Variants in NEDD9 observed in about 807,000 individuals in gnomAD.
NEDD9 encodes enhancer of filamentation 1.
NEDD9 carries 26 observed loss-of-function variants against 76.6 expected under a neutral mutation model. The observed-to-expected ratio is 0.34, with a 90% confidence interval of 0.25 to 0.47. NEDD9 has a LOEUF of 0.47. NEDD9 is among the 20% of genes least tolerant of loss of function. NEDD9 has a pLI of 1.00. For synonymous variants in NEDD9, 392 were observed against 414.2 expected, an observed-to-expected ratio of 0.95 and a Z score of 0.65; for missense variants, 937 against 1,058.5, an observed-to-expected ratio of 0.89 and a Z score of 1.59.
At chr6:11,330,734 A>G (rs1039454616) in intron 2 of NEDD9, among the ~76,000 whole-genome samples, 28 of 152,272 alleles carry the variant, frequency 1.8e-4, no homozygotes, top group Middle Eastern at 3.4e-3. Flanking sequence ...GCCTCCTCCC[A>G]TATATAAACC....
intron 3 of NEDD9, among the ~76,000 whole-genome samples, chr6:11,259,289 C>T (rs945712071): frequency 1.3e-5 from 2 of 152,210 alleles, no homozygotes; most frequent in Non-Finnish European, 2.9e-5. Context: ...AGCTTAAAGA[C>T]CTTTCGCTTC....
chr6:11,261,601 G>A (rs886316730), intron 3 of NEDD9, among the ~76,000 whole-genome samples: 12 of 152,146 alleles, frequency 7.9e-5, no homozygotes, highest in African/African-American at 2.9e-4. Context: ...ATAGAGTTGT[G>A]TCTTACCTGT....
chr6:11,301,921 C>T (rs1582009575), intron 3 of NEDD9, among the ~76,000 whole-genome samples: 1 of 151,412 alleles, frequency 6.6e-6, no homozygotes. Flanking sequence ...CAGGAAAGAT[C>T]TAAAATCGAC....
intron 2 of NEDD9, among the ~76,000 whole-genome samples, chr6:11,196,495 G>T (rs372038705): frequency 6.6e-6 from 1 of 152,148 alleles, no homozygotes; most frequent in African/African-American, 2.4e-5. Flanking sequence ...AAGCGCTAAT[G>T]CTTCCCGGTA....
At chr6:11,378,574 T>C (rs1763006178) in intron 1 of NEDD9, among the ~76,000 whole-genome samples, 1 of 152,182 alleles carries the variant, frequency 6.6e-6, no homozygotes, top group African/African-American at 2.4e-5. Flanking sequence ...CAGGTGGATG[T>C]GTATTTATGT....
At chr6:11,238,319 G>A (rs1759648980) in intron 3 of NEDD9, among the ~76,000 whole-genome samples, 10 of 152,186 alleles carry the variant, frequency 6.6e-5, no homozygotes, top group Admixed American at 6.5e-4. Flanking sequence ...AGGCTTTCTG[G>A]TTTCTGAGTC....
intron 3 of NEDD9, among the ~76,000 whole-genome samples, chr6:11,254,282 G>A (rs1259365397): frequency 3.3e-5 from 5 of 151,826 alleles, no homozygotes; most frequent in Admixed American, 1.3e-4. Context: ...CACCATGCCC[G>A]GCTAATTTTT....
intron 3 of NEDD9, chr6:11,271,866 T>C (rs1760314828): frequency 6.6e-6 from 1 of 152,210 alleles, no homozygotes. Context: ...AACACGCACA[T>C]AGCTGAAGTA....
rs779423726 is a variant in NEDD9 at position 11,213,457 on chromosome 6, G to A, written c.283C>T (p.Pro95Ser). 1 of 1,614,108 alleles carries A rather than the reference G, an allele frequency of 6.2e-7. No individual in the cohort carries two copies. The highest frequency in any genetic ancestry group is 2.2e-5 in the East Asian group (1 of 44,876). The change falls in exon 2 of 7, where the codon CCA becomes TCA. Residue 95 changes from proline (P) to serine (S), a missense_variant. Physicochemically the swap from Pro to Ser is moderately conservative, Grantham distance 74 (BLOSUM62 -1). Transcript: ENST00000379446. This position sits in a 1 kb window ranked among gnomAD's most constrained non-coding sequence, Gnocchi z 5.4. The stretch of plus-strand genomic sequence containing the variant: ...TCTCGGGGAGCAGCCTGTGGGTTTG[G>A]CACTTGATAGAGCTTCTGTTGGCCA... ...TFGQQKLYQV[P>S]NPQAAPRDTI...
intron 3 of NEDD9, among the ~76,000 whole-genome samples, chr6:11,302,919 G>C (rs1337195181): frequency 6.6e-6 from 1 of 152,152 alleles, no homozygotes; most frequent in Non-Finnish European, 1.5e-5. Flanking sequence ...ATACTGAATG[G>C]ACAAAAGCTG....
chr6:11,221,104 C>T (rs1035780342), intron 1 of NEDD9, among the ~76,000 whole-genome samples: 3 of 152,068 alleles, frequency 2.0e-5, no homozygotes, highest in Admixed American at 6.5e-5. Context: ...AGGTGGAGGC[C>T]GCGCACGGTG....
At chr6:11,201,571 A>G (rs575979706) in intron 2 of NEDD9, among the ~76,000 whole-genome samples, 3 of 152,306 alleles carry the variant, frequency 2.0e-5, no homozygotes, top group Non-Finnish European at 4.4e-5. Flanking sequence ...TGGGAGACAG[A>G]GAGATGGGAT....
In NEDD9 at chr6:11,190,590, G is replaced by C; in HGVS notation, c.1279C>G (p.Leu427Val). The change falls in exon 5 of 7, where the codon CTA (leucine) becomes GTA (valine). Residue 427 changes from leucine (L) to valine (V), a missense_variant. Physicochemically the swap from Leu to Val is conservative, Grantham distance 32. Coordinates refer to ENST00000379446, the MANE Select transcript of NEDD9 (RefSeq NM_006403.4). This position sits in a 1 kb window ranked among gnomAD's most constrained non-coding sequence, Gnocchi z 5.8. ...QQALEMGVSS[L>V]MALVTTDWRC... ...CAGTCGGTAGTGACCAGTGCCATTA[G>C]GCTGGAGACACCCATCTCAAGGGCC... is the stretch of plus-strand genomic sequence containing the variant. 1 of 1,614,216 alleles carries C rather than the reference G, an allele frequency of 6.2e-7. No homozygotes were observed. The highest frequency in any genetic ancestry group is 1.3e-5 in the African/African-American group (1 of 75,060).
intron 1 of NEDD9, among the ~76,000 whole-genome samples, chr6:11,345,107 C>T (rs759764063): frequency 5.9e-5 from 9 of 151,936 alleles, no homozygotes; most frequent in East Asian, 5.8e-4. Flanking sequence ...AAAGAGGGAC[C>T]GGGGTGAGGC....
intron 3 of NEDD9, among the ~76,000 whole-genome samples, chr6:11,283,602 C>T (rs1030232233): frequency 6.6e-6 from 1 of 152,132 alleles, no homozygotes; most frequent in Non-Finnish European, 1.5e-5. Context: ...CTTTAATGAC[C>T]ATGGCAAACT....
intron 1 of NEDD9, among the ~76,000 whole-genome samples, chr6:11,358,021 G>A (rs969142500): frequency 1.3e-5 from 2 of 152,106 alleles, no homozygotes; most frequent in Non-Finnish European, 2.9e-5. Flanking sequence ...AGGCCAAGGC[G>A]GGCGGATCAC....
intron 4 of NEDD9, 73 bp downstream of exon 4, chr6:11,192,272 C>T: frequency 1.1e-5 from 3 of 271,566 alleles, no homozygotes; most frequent in South Asian, 2.8e-5. Context: ...TACCCACCCT[C>T]CCAACCCTGC....
intron 1 of NEDD9, among the ~76,000 whole-genome samples, chr6:11,336,894 G>C (rs955366983): frequency 3.9e-5 from 6 of 152,086 alleles, no homozygotes; most frequent in Non-Finnish European, 8.8e-5. Flanking sequence ...GGATCTTCAG[G>C]GGCAATGACA....
At chr6:11,319,618 C>G (rs1054614268) in intron 2 of NEDD9, among the ~76,000 whole-genome samples, 4 of 95,692 alleles carry the variant, frequency 4.2e-5, no homozygotes, top group East Asian at 8.8e-4. Flanking sequence ...CACTCACACT[C>G]ACACACACAC....
Sources: allele counts gnomAD v4.1 joint callset (sites outside exome capture counted in the v4.1 genomes callset), GRCh38; gene constraint gnomAD v4.1.1; non-coding constraint Gnocchi (gnomAD v3.1); transcripts MANE v1.5; gene names NCBI Gene and HGNC (gene_info 2026-07-23, HGNC 2026-07-21).